Variants in ARSF observed in about 807,000 individuals in gnomAD.
The protein encoded by ARSF is arylsulfatase F.
ARSF carries 33 observed loss-of-function variants against 35.4 expected under a neutral mutation model. The ratio of observed to expected loss-of-function variants is 0.93; its 90% confidence interval spans 0.71 to 1.25. The LOEUF (loss-of-function observed/expected upper bound fraction) is 1.25, where lower values mean the gene tolerates loss of function less well. Ranked by LOEUF, ARSF falls within the 50% of genes most tolerant of loss-of-function variation. The pLI is 0.00. For missense variants in ARSF, 501 were observed against 480.2 expected (o/e 1.04, Z -0.40); for synonymous variants, 222 against 193.1 (o/e 1.15, Z -1.24).
At chrX:3,111,861 A>C (rs1294460402) in intron 10 of ARSF, among the ~76,000 whole-genome samples, 1 of 109,929 alleles carries the variant, frequency 9.1e-6, no homozygotes, top group Non-Finnish European at 1.9e-5. Context: ...CCTGCAACCC[A>C]GATCCCTCGC....
intron 7 of ARSF, among the ~76,000 whole-genome samples, chrX:3,095,436 CAT>C (rs1478546759): frequency 2.8e-5 from 3 of 107,251 alleles, no homozygotes; most frequent in Admixed American, 1.0e-4. Flanking sequence ...ATAATATAAA[CAT>C]ATCATTAATA....
In ARSF at chrX:3,076,554, T is replaced by C; in HGVS notation, c.168T>C (p.Pro56=). The C allele has an allele frequency of 8.3e-7, 1 of 1,203,467 alleles. No homozygotes were observed. Among genetic ancestry groups the C allele is most frequent in the Non-Finnish European group, 1.1e-6 (1 of 891,890 alleles). Reference sequence around the variant, plus strand: ...CTTCCCTCTCCCCCTTCAGGACGCCTCACATCGACCGCCTTGCCAGGGAAG... The same window carrying C: ...CTTCCCTCTCCCCCTTCAGGACGCCCCACATCGACCGCCTTGCCAGGGAAG... The part of the protein sequence containing the change: ...GCYGNDTMRT[P]HIDRLAREGV... Residue 56 remains proline, a synonymous_variant, in exon 4 of 11, where the codon CCT becomes CCC. Transcript: ENST00000381127.
chrX:3,102,898 G>C (rs1046702149), intron 8 of ARSF, among the ~76,000 whole-genome samples: 1 of 107,989 alleles, frequency 9.3e-6, no homozygotes, highest in East Asian at 2.9e-4. Context: ...GCAACAGAGC[G>C]AGACTCCATC....
chrX:3,097,352 T>A (rs2090344348), intron 7 of ARSF, among the ~76,000 whole-genome samples: 1 of 112,313 alleles, frequency 8.9e-6, no homozygotes, highest in South Asian at 3.7e-4. Flanking sequence ...ATAAGTAGCA[T>A]GACTAAAGGC....
chrX:3,105,363 C>T (rs1461131957), intron 9 of ARSF, among the ~76,000 whole-genome samples: 4 of 111,965 alleles, frequency 3.6e-5, no homozygotes, highest in African/African-American at 1.3e-4. Flanking sequence ...TTATAATTTT[C>T]GGGACTGAAC....
chrX:3,092,793 C>G (rs1028862113), intron 7 of ARSF, among the ~76,000 whole-genome samples: 1 of 112,076 alleles, frequency 8.9e-6, no homozygotes, highest in African/African-American at 3.2e-5. Flanking sequence ...AACAATACCC[C>G]AAGTCCTAAG....
intron 7 of ARSF, among the ~76,000 whole-genome samples, chrX:3,090,139 G>A (rs957305442): frequency 9.0e-6 from 1 of 111,373 alleles, no homozygotes; most frequent in African/African-American, 3.3e-5. Context: ...TATACTTGAT[G>A]TTATGCTCCC....
upstream of ARSF, among the ~76,000 whole-genome samples, chrX:3,041,288 C>CT (rs200356400): frequency 5.1e-4 from 43 of 84,853 alleles, no homozygotes; most frequent in African/African-American, 1.9e-3. Flanking sequence ...CTTTTCTTTT[C>CT]TTTTCTTTTT....
At chrX:3,049,381 G>C (rs889832580) in intron 1 of ARSF, among the ~76,000 whole-genome samples, 1 of 111,483 alleles carries the variant, frequency 9.0e-6, no homozygotes, top group Non-Finnish European at 1.9e-5. Flanking sequence ...ACTGATGCCT[G>C]TTCAGTGAAT....
At chrX:3,040,993 G>A (rs2089952791), upstream of ARSF, among the ~76,000 whole-genome samples, 1 of 111,457 alleles carries the variant, frequency 9.0e-6, no homozygotes, top group African/African-American at 3.3e-5. Context: ...GTAAGGATGA[G>A]GAAAGGCGGA....
At chrX:3,093,030 G>A (rs767448009) in intron 7 of ARSF, among the ~76,000 whole-genome samples, 20 of 110,895 alleles carry the variant, frequency 1.8e-4, no homozygotes, top group South Asian at 3.8e-4. Context: ...CACATCCGTG[G>A]TGGCGGGCGT....
At chrX:3,108,951 G>A (rs1412766207) in intron 9 of ARSF, among the ~76,000 whole-genome samples, 2 of 111,364 alleles carry the variant, frequency 1.8e-5, no homozygotes, top group African/African-American at 3.3e-5. Context: ...GGGAGATGGA[G>A]GTTGCATTGA....
intron 4 of ARSF, among the ~76,000 whole-genome samples, chrX:3,078,092 C>T (rs1362756268): frequency 9.1e-6 from 1 of 110,052 alleles, no homozygotes; most frequent in African/African-American, 3.3e-5. Context: ...GTGTGAGCCA[C>T]CGCACCCGGC....
intron 1 of ARSF, among the ~76,000 whole-genome samples, chrX:3,057,944 C>A (rs752770274): frequency 8.9e-6 from 1 of 111,825 alleles, no homozygotes; most frequent in East Asian, 2.8e-4. Flanking sequence ...GCACCTTACC[C>A]CGACAACCAC....
chrX:3,048,982 C>T (rs112527466), intron 1 of ARSF, among the ~76,000 whole-genome samples: 1,689 of 112,035 alleles, frequency 0.015, 16 homozygotes, highest in Non-Finnish European at 0.023. Flanking sequence ...TGTAGCTTTC[C>T]CTCATGGGTC....
chrX:3,061,177 C>A (rs918638411), intron 1 of ARSF, among the ~76,000 whole-genome samples: 4 of 111,365 alleles, frequency 3.6e-5, no homozygotes, highest in African/African-American at 1.3e-4. Context: ...AATTTTCAAT[C>A]CAGAATTTCA....
At chrX:3,079,643 C>T (rs1453101622) in intron 4 of ARSF, among the ~76,000 whole-genome samples, 1 of 109,425 alleles carries the variant, frequency 9.1e-6, no homozygotes, top group Non-Finnish European at 1.9e-5. Context: ...CACATCCAGT[C>T]ATATAGTTCT....
rs2090154473 is a variant in ARSF, at chrX:3,076,674, G to C, written c.283+5G>C. The C allele has an allele frequency of 1.7e-6, 2 of 1,209,133 alleles. No individual in the cohort carries two copies. The highest frequency in any genetic ancestry group is 2.2e-6 in the Non-Finnish European group (2 of 894,254). ...GAAGATACCCCATCCGATCAGGTGC[G>C]CAAACTGGCGGGCTCTGCTGGGCTC... On this transcript the variant is annotated splice_donor_5th_base_variant and intron_variant, in intron 4 of 10. Transcript: ENST00000381127.
intron 1 of ARSF, among the ~76,000 whole-genome samples, chrX:3,067,584 C>T (rs929091507): frequency 9.0e-6 from 1 of 110,977 alleles, no homozygotes; most frequent in East Asian, 2.8e-4. Flanking sequence ...CCAAGAGCCC[C>T]AGGACTTGGG....
Sources: allele counts gnomAD v4.1 joint callset (sites outside exome capture counted in the v4.1 genomes callset), GRCh38; gene constraint gnomAD v4.1.1; transcripts MANE v1.5; gene names NCBI Gene and HGNC (gene_info 2026-07-23, HGNC 2026-07-21).